The following C2orf15 variants were observed in gnomAD, a reference collection of about 807,000 sequenced individuals.
The protein encoded by C2orf15 is uncharacterized protein C2orf15.
Under a neutral mutation model 4.4 loss-of-function variants are expected in C2orf15, and 3 were observed. The ratio of observed to expected loss-of-function variants is 0.67; its 90% CI spans 0.31 to 1.74. The LOEUF (loss-of-function observed/expected upper bound fraction) is 1.74. C2orf15 is among the 40% of genes most tolerant of loss of function. C2orf15 has a pLI of 0.09. For missense variants in C2orf15, 90 were observed against 103.3 expected (o/e 0.87, Z 0.56); for synonymous variants, 37 against 36.8 (o/e 1.00, Z -0.02).
chr2:99,149,764 G>GCTTTTT, intron 3 of C2orf15, among the ~76,000 whole-genome samples: 1 of 135,222 alleles, frequency 7.4e-6, no homozygotes, highest in African/African-American at 2.8e-5. Context: ...TTACAGACTA[G>GCTTTTT]ACATCCTTAA....
Position 99,147,473 on chromosome 2 carries a change from C to T in C2orf15, c.-97C>T, listed in dbSNP as rs778035643. 6.2e-7 allele frequency: 1 copy of T among 1,613,928 alleles called. No homozygotes were observed. ...AATAGACTTGTTCACCCTTCATGTC[C>T]TCAACTCTGGGGAAGTTAAGGTAAG... On this transcript the variant is annotated 5_prime_UTR_variant, in exon 3 of 4. Coordinates refer to ENST00000650052, the MANE Select transcript of C2orf15 (RefSeq NM_144706.4).
chr2:99,145,374 A>G (rs1436302357), intron 2 of C2orf15, among the ~76,000 whole-genome samples: 1 of 152,092 alleles, frequency 6.6e-6, no homozygotes, highest in Non-Finnish European at 1.5e-5. Flanking sequence ...CCTGTTCAAC[A>G]TGGCAAAACC....
Position 99,150,463 on chromosome 2 carries a change from ACT to A in C2orf15, c.-76-19_-76-18del. ...GAAATTCCTGCTGCATTCACTTGTT[ACT>A]TTTTTTTTTTTTTTCAGTAATCAAG... On this transcript the variant is annotated intron_variant, in intron 3 of 3. Coordinates refer to ENST00000650052, the MANE Select transcript of C2orf15 (RefSeq NM_144706.4). 1 of 1,119,340 alleles carries A rather than the reference ACT, an allele frequency of 8.9e-7. No individual in the cohort carries two copies. Among genetic ancestry groups the A allele is most frequent in the South Asian group, 1.5e-5 (1 of 65,884 alleles). The allele number at this position is 1,119,340 out of a possible 1,614,324, so 69.3% of individuals were successfully genotyped here.
At chr2:99,149,098 C>G (rs1169373277) in intron 3 of C2orf15, among the ~76,000 whole-genome samples, 1 of 148,070 alleles carries the variant, frequency 6.8e-6, no homozygotes, top group Admixed American at 6.9e-5. Context: ...TTTAACCTGC[C>G]GGGTGGAGGT....
chr2:99,145,153 C>T (rs2105130627), intron 2 of C2orf15, among the ~76,000 whole-genome samples: 1 of 152,268 alleles, frequency 6.6e-6, no homozygotes, highest in East Asian at 1.9e-4. Flanking sequence ...ACTGGCAGCC[C>T]ATGTTCCTTG....
Position 99,150,690 on chromosome 2 carries a change from C to G in C2orf15, c.132C>G (p.Thr44=). 6.2e-7 allele frequency: 1 copy of G among 1,613,796 alleles called. No homozygotes were observed. Among genetic ancestry groups the G allele is most frequent in the East Asian group, 2.2e-5 (1 of 44,850 alleles). The change falls in exon 4 of 4, where the codon ACC becomes ACG. Residue 44 remains threonine, a synonymous_variant. Coordinates refer to ENST00000650052, the MANE Select transcript of C2orf15 (RefSeq NM_144706.4). The part of the protein sequence containing the change: ...LEPATQLFQN[T]KKIRLEDTNQ... ...CAGCGACTCAGTTATTTCAAAACAC[C>G]AAGAAAATAAGATTAGAAGACACAA...
intron 2 of C2orf15, 163 bp from the exon 3 acceptor site, chr2:99,147,239 G>T (rs2093641587): frequency 4.3e-6 from 2 of 468,076 alleles, no homozygotes; most frequent in East Asian, 3.2e-5. Context: ...GGACTCAAGA[G>T]ATCTTTCCAC....
chr2:99,144,962 G>A (rs1023700428), intron 2 of C2orf15, among the ~76,000 whole-genome samples: 8 of 152,158 alleles, frequency 5.3e-5, no homozygotes, highest in Non-Finnish European at 8.8e-5. Context: ...GTTTGCTACG[G>A]CTGTGCAACA....
chr2:99,141,739 C>T lies in C2orf15; in HGVS notation c.-484C>T, dbSNP rs1379558347. 1 of 152,944 alleles carries T rather than the reference C, an allele frequency of 6.5e-6. No individual in the cohort carries two copies. The highest frequency in any genetic ancestry group is 1.5e-5 in the Non-Finnish European group (1 of 68,214). 9.5% of individuals were successfully genotyped at this position (152,944 alleles called of 1,614,324 possible). On this transcript the variant is annotated 5_prime_UTR_variant, in exon 1 of 4. Transcript: ENST00000650052. The stretch of plus-strand genomic sequence containing the variant: ...AGCCCCGCCTTCCCTCAGCTTGAAA[C>T]ACCTGCTGCTTCGCGGCGGTGGCTT...
intron 3 of C2orf15, among the ~76,000 whole-genome samples, chr2:99,149,246 G>A (rs74974137): frequency 0.059 from 8,989 of 151,294 alleles, 510 homozygotes; most frequent in East Asian, 0.2. Context: ...TGCTACTATA[G>A]CATCTTGGGT....
chr2:99,143,137 T>G (rs934819169), intron 2 of C2orf15, among the ~76,000 whole-genome samples: 2 of 43,086 alleles, frequency 4.6e-5, no homozygotes, highest in African/African-American at 1.1e-4. Flanking sequence ...CTAAACCTTT[T>G]TTTTTTTTTT....
In C2orf15 at chr2:99,147,501, T is replaced by C. The variant is rs769833741; in HGVS notation, c.-77+8T>C. 82 of 1,613,698 alleles carry C rather than the reference T, an allele frequency of 5.1e-5. 2 individuals carry two copies. The Middle Eastern group carries it at 6.4e-3, about 127-fold the overall frequency. Reference sequence around the variant, plus strand: ...AACTCTGGGGAAGTTAAGGTAAGACTCACAGGGCCAAGTCTACCCTATTAT... The same window carrying C: ...AACTCTGGGGAAGTTAAGGTAAGACCCACAGGGCCAAGTCTACCCTATTAT... On this transcript the variant is annotated splice_region_variant and intron_variant, in intron 3 of 3. Transcript: ENST00000650052.
In C2orf15 at chr2:99,149,966, T is replaced by C. The variant is rs190594372; in HGVS notation, c.-76-517T>C. On this transcript the variant is annotated intron_variant, in intron 3 of 3. Transcript: ENST00000650052. ...TGCCACCACACCCAGCTAATTTTTG[T>C]ATTTTTAGCAGAGATGGGGTTTCAC... is the stretch of plus-strand genomic sequence containing the variant. Among the ~76,000 whole-genome samples, 882 of 152,052 alleles carry C rather than the reference T, an allele frequency of 5.8e-3. 10 individuals carry two copies. Among genetic ancestry groups the C allele is most frequent in the African/African-American group, 0.02 (846 of 41,466 alleles).
chr2:99,146,501 C>T (rs866391670), intron 2 of C2orf15, among the ~76,000 whole-genome samples: 3 of 151,694 alleles, frequency 2.0e-5, no homozygotes, highest in Middle Eastern at 3.4e-3. Flanking sequence ...TCACTGTTTT[C>T]CTCCCTTATT....
chr2:99,150,748 G>A lies in C2orf15; in HGVS notation c.190G>A (p.Gly64Ser). 6.2e-7 allele frequency: 1 copy of A among 1,613,916 alleles called. No homozygotes were observed. ...QENFTRIEGT[G>S]TGSLSGKALG... ...AAACTTTACAAGGATTGAAGGGACT[G>A]GCACAGGATCTCTTTCTGGGAAAGC... Residue 64 changes from glycine (G) to serine (S), a missense_variant, in exon 4 of 4, where the codon GGC becomes AGC. Gly to Ser is a moderately conservative substitution (Grantham distance 56, BLOSUM62 0). Transcript: ENST00000650052.
At chr2:99,144,394 T>C (rs1194459805) in intron 2 of C2orf15, among the ~76,000 whole-genome samples, 1 of 152,114 alleles carries the variant, frequency 6.6e-6, no homozygotes, top group Non-Finnish European at 1.5e-5. Context: ...TGTCCATTCA[T>C]AGGGCTCACT....
intron 2 of C2orf15, among the ~76,000 whole-genome samples, chr2:99,143,486 CAG>C (rs1331368428): frequency 1.4e-5 from 2 of 147,962 alleles, no homozygotes; most frequent in Non-Finnish European, 3.0e-5. Flanking sequence ...TTTTTTAAGA[CAG>C]AGTCTCACTC....
chr2:99,146,496 G>A (rs201560103), intron 2 of C2orf15, among the ~76,000 whole-genome samples: 3 of 144,930 alleles, frequency 2.1e-5, no homozygotes, highest in Non-Finnish European at 4.5e-5. Flanking sequence ...CAAACTCACT[G>A]TTTTCCTCCC....
At chr2:99,144,649 C>CAAAAAA (rs70940140) in intron 2 of C2orf15, among the ~76,000 whole-genome samples, 1,271 of 52,182 alleles carry the variant, frequency 0.024, 74 homozygotes, top group African/African-American at 0.078. Flanking sequence ...AACTCTGTCT[C>CAAAAAA]AAAAAAAAAA....
Sources: allele counts gnomAD v4.1 joint callset (sites outside exome capture counted in the v4.1 genomes callset), GRCh38; gene constraint gnomAD v4.1.1; transcripts MANE v1.5; gene names NCBI Gene and HGNC (gene_info 2026-07-23, HGNC 2026-07-21).